Variants in HTT observed in about 807,000 individuals in gnomAD.
The protein encoded by HTT is huntington disease protein.
In HTT, 104 loss-of-function variants were observed where a neutral mutation model predicts 362.3. That is an observed-to-expected ratio of 0.29 (90% confidence interval 0.24 to 0.34). The LOEUF is 0.34. Among genes scored for constraint, HTT ranks in the 10% least tolerant of loss-of-function variants. The pLI is 1.00. For missense variants in HTT, 3,301 were observed against 3,928.6 expected (o/e 0.84, Z 4.27); for synonymous variants, 1,577 against 1,548.7 (o/e 1.02, Z -0.43).
chr4:3,143,878 C>T (rs926302406), intron 23 of HTT, among the ~76,000 whole-genome samples: 1 of 152,128 alleles, frequency 6.6e-6, no homozygotes, highest in Non-Finnish European at 1.5e-5. Flanking sequence ...GCTGGGATTA[C>T]AGGTGTGAGC....
intron 8 of HTT, among the ~76,000 whole-genome samples, chr4:3,117,483 C>A (rs2110173735): frequency 6.6e-6 from 1 of 152,152 alleles, no homozygotes; most frequent in East Asian, 1.9e-4. Flanking sequence ...CCTCTTATTT[C>A]ATCTATAAGT....
In HTT at chr4:3,127,543, G is replaced by C. The variant is rs752424106; in HGVS notation, c.1682G>C (p.Ser561Thr). The stretch of plus-strand genomic sequence containing the variant: ...CAGGCCTCGTCGCCCATCAGCGACA[G>C]CTCCCAGACCACCACCGAAGGGCCT... Reference protein sequence around the residue: ...GTQASSPISDSSQTTTEGPDS... With the variant: ...GTQASSPISDTSQTTTEGPDS... The change falls in exon 12 of 67, where the codon AGC becomes ACC. Residue 561 changes from serine to threonine, a missense_variant. Physicochemically the swap from Ser to Thr is moderately conservative, Grantham distance 58. Around this residue, in one of 4 missense-constraint regions of HTT, gnomAD observed 2,316 missense variants for 2,658.5 expected, o/e 0.87. Coordinates refer to ENST00000355072, the MANE Select transcript of HTT (RefSeq NM_001388492.1). 1.2e-6 allele frequency: 2 copies of C among 1,614,168 alleles called. No homozygotes were observed. The highest frequency in any genetic ancestry group is 2.7e-5 in the African/African-American group (2 of 75,064).
At chr4:3,160,247 C>T in intron 28 of HTT, 35 bp from the exon 29 acceptor site, 1 of 1,315,922 alleles carries the variant, frequency 7.6e-7, no homozygotes, top group Non-Finnish European at 1.1e-6. Context: ...GTGACAGGGC[C>T]AGTAACCGTG....
chr4:3,170,801 T>C (rs954665609), intron 29 of HTT, among the ~76,000 whole-genome samples: 3 of 152,218 alleles, frequency 2.0e-5, no homozygotes, highest in African/African-American at 7.2e-5. Flanking sequence ...TTGAGGACTC[T>C]GGGTTTTGTC....
chr4:3,171,810 G>A lies in HTT; in HGVS notation c.3865-510G>A, dbSNP rs192270507. On this transcript the variant is annotated intron_variant, in intron 29 of 66. Coordinates refer to ENST00000355072, the MANE Select transcript of HTT (RefSeq NM_001388492.1). ...ATTCTTGAAAAGGACATTGGGTGCT[G>A]TACATCTCGTTATAGATGTTGATAA... 3.6e-3 allele frequency among the ~76,000 whole-genome samples: 552 copies of A among 152,328 alleles called. 2 individuals are homozygous for A. The highest frequency in any genetic ancestry group is 6.8e-3 in the Middle Eastern group (2 of 294).
At chr4:3,088,128 C>T (rs544919152) in intron 2 of HTT, among the ~76,000 whole-genome samples, 3 of 151,540 alleles carry the variant, frequency 2.0e-5, no homozygotes, top group Non-Finnish European at 4.4e-5. Flanking sequence ...TGAGCCAGGG[C>T]GCCCGGTGAT....
At chr4:3,196,681 T>TG (rs1719271324) in intron 40 of HTT, among the ~76,000 whole-genome samples, 1 of 150,334 alleles carries the variant, frequency 6.7e-6, no homozygotes, top group South Asian at 2.1e-4. Flanking sequence ...AAAGCTACAG[T>TG]GGGCTGTGAT....
At chr4:3,230,835 C>G (rs976741544) in intron 60 of HTT, among the ~76,000 whole-genome samples, 3 of 152,192 alleles carry the variant, frequency 2.0e-5, no homozygotes, top group Non-Finnish European at 4.4e-5. Flanking sequence ...AAGGCCCCAC[C>G]TTCTTGTACT....
intron 42 of HTT, among the ~76,000 whole-genome samples, chr4:3,205,914 T>C (rs1000903053): frequency 2.6e-5 from 4 of 152,232 alleles, no homozygotes; most frequent in African/African-American, 9.6e-5. Flanking sequence ...TTTAAAAATA[T>C]ATATTTTTAT....
intron 40 of HTT, among the ~76,000 whole-genome samples, chr4:3,190,610 G>A (rs1027814129): frequency 6.6e-6 from 1 of 151,968 alleles, no homozygotes; most frequent in East Asian, 1.9e-4. Flanking sequence ...GTAGTGGCAT[G>A]AGCCTGAGCC....
chr4:3,116,129 C>G lies in HTT; in HGVS notation c.934C>G (p.Leu312Val), dbSNP rs1333168099. The G allele has an allele frequency of 6.2e-7, 1 of 1,613,588 alleles. No homozygotes were observed. The highest frequency in any genetic ancestry group is 1.3e-5 in the African/African-American group (1 of 74,930). Residue 312 changes from leucine (L) to valine (V), a missense_variant, in exon 8 of 67, where the codon CTT becomes GTT. Leu to Val is a conservative substitution (Grantham distance 32). Coordinates refer to ENST00000355072, the MANE Select transcript of HTT (RefSeq NM_001388492.1). ...VEDEHSTLLI[L>V]GVLLTLRYLV... ...GGATGAACACTCCACTCTGCTGATT[C>G]TTGGCGTGCTGCTCACCCTGAGGTA...
intron 2 of HTT, among the ~76,000 whole-genome samples, chr4:3,095,486 G>A (rs1188920255): frequency 1.3e-5 from 2 of 152,200 alleles, no homozygotes; most frequent in East Asian, 3.8e-4. Flanking sequence ...GTACAGTCCA[G>A]CCTTGGCTCG....
In HTT at chr4:3,154,431, C is replaced by T. The variant is rs755065024; in HGVS notation, c.3625+12C>T. 8 of 1,611,920 alleles carry T rather than the reference C, an allele frequency of 5.0e-6. No homozygotes were observed. Among genetic ancestry groups the T allele is most frequent in the East Asian group, 2.2e-5 (1 of 44,872 alleles). ...TGAGGCCAGTGCAGGTAGGAAACAG[C>T]GTGGGGAAGGGAGGGACATGAGTGC... On this transcript the variant is annotated intron_variant, in intron 27 of 66. Coordinates refer to ENST00000355072, the MANE Select transcript of HTT (RefSeq NM_001388492.1).
intron 2 of HTT, among the ~76,000 whole-genome samples, chr4:3,094,697 TGGCCGGGCGGGG>T: frequency 8.6e-6 from 1 of 116,174 alleles, no homozygotes; most frequent in South Asian, 2.7e-4. Flanking sequence ...ACGGGGCGGC[TGGCCGGGCGGGG>T]GCTGCCCCCC....
intron 27 of HTT, among the ~76,000 whole-genome samples, chr4:3,154,821 G>C (rs1717064149): frequency 6.6e-6 from 1 of 152,230 alleles, no homozygotes; most frequent in South Asian, 2.1e-4. Flanking sequence ...ATTCTGATTG[G>C]AAATGGAATA....
chr4:3,126,682 G>A (rs977334735), intron 11 of HTT, among the ~76,000 whole-genome samples: 2 of 152,172 alleles, frequency 1.3e-5, no homozygotes, highest in African/African-American at 4.8e-5. Flanking sequence ...ACTGCCAACA[G>A]CTTCATGTCG....
intron 16 of HTT, 111 bp from the exon 17 acceptor site, chr4:3,132,451 G>T: frequency 2.4e-6 from 2 of 846,942 alleles, no homozygotes; most frequent in Non-Finnish European, 3.7e-6. Context: ...TTCTGAATTT[G>T]GATCTTCTCT....
Position 3,216,894 on chromosome 4 carries a change from G to A in HTT, c.7055-871G>A, listed in dbSNP as rs563087106. On this transcript the variant is annotated intron_variant, in intron 51 of 66. Coordinates refer to ENST00000355072, the MANE Select transcript of HTT (RefSeq NM_001388492.1). ...CAAAAAATTAGCCGGGCGTAGTGGCGGGCGCCTGTAGTCCCAGCTACTTGG... is the reference window on the plus strand; with the variant it reads ...CAAAAAATTAGCCGGGCGTAGTGGCAGGCGCCTGTAGTCCCAGCTACTTGG... Among the ~76,000 whole-genome samples, 892 of 151,158 alleles carry A rather than the reference G, an allele frequency of 5.9e-3. 7 individuals are homozygous for A. The highest frequency in any genetic ancestry group is 0.02 in the African/African-American group (815 of 41,350).
intron 29 of HTT, among the ~76,000 whole-genome samples, chr4:3,162,270 C>T (rs754917463): frequency 6.6e-6 from 1 of 152,058 alleles, no homozygotes; most frequent in East Asian, 1.9e-4. Context: ...CTGTTCTGTT[C>T]CATTGGTCTA....
Sources: allele counts gnomAD v4.1 joint callset (sites outside exome capture counted in the v4.1 genomes callset), GRCh38; gene constraint gnomAD v4.1.1; regional missense constraint gnomAD v4.1.1; transcripts MANE v1.5; gene names NCBI Gene and HGNC (gene_info 2026-07-23, HGNC 2026-07-21).